The following SORCS2 variants were observed in gnomAD, a reference collection of about 807,000 sequenced individuals.
SORCS2 encodes VPS10 domain-containing receptor SorCS2.
A neutral mutation model predicts 141.6 loss-of-function variants in SORCS2; 100 were observed. The ratio of observed to expected loss-of-function variants is 0.71; its 90% CI spans 0.60 to 0.83. SORCS2 has a LOEUF of 0.83. SORCS2 is among the 40% of genes least tolerant of loss of function. The probability of loss-of-function intolerance (pLI) is 0.00; values close to 1 mark genes in which losing one functional copy is unlikely to be tolerated. For synonymous variants in SORCS2, 789 were observed against 676.9 expected (o/e 1.17, Z -2.57); for missense variants, 1,646 against 1,560.2 (o/e 1.05, Z -0.93).
chr4:7,372,942 C>A (rs570039251), intron 1 of SORCS2, among the ~76,000 whole-genome samples: 2 of 151,002 alleles, frequency 1.3e-5, no homozygotes, highest in Non-Finnish European at 2.9e-5. Flanking sequence ...AGTCTTCCAT[C>A]GTGTGAATGA....
At chr4:7,621,454 TGTGA>T (rs35511284) in intron 3 of SORCS2, among the ~76,000 whole-genome samples, 1,678 of 148,342 alleles carry the variant, frequency 0.011, 14 homozygotes, top group Non-Finnish European at 0.018. Context: ...TGTGTGTCTG[TGTGA>T]GTGTTTATGT....
At chr4:7,440,943 C>A (rs1458293866) in intron 2 of SORCS2, among the ~76,000 whole-genome samples, 1 of 152,114 alleles carries the variant, frequency 6.6e-6, no homozygotes. Flanking sequence ...AGAGACAGAC[C>A]ATGAATGAGT....
At chr4:7,688,538 C>G (rs1724015088) in intron 10 of SORCS2, among the ~76,000 whole-genome samples, 1 of 152,216 alleles carries the variant, frequency 6.6e-6, no homozygotes, top group African/African-American at 2.4e-5. Flanking sequence ...TCCTGTGAAG[C>G]AGAGGTTATT....
intron 2 of SORCS2, among the ~76,000 whole-genome samples, chr4:7,409,334 G>A (rs1252593564): frequency 1.3e-5 from 2 of 152,156 alleles, no homozygotes; most frequent in South Asian, 4.2e-4. Context: ...TCTCAAAGGG[G>A]ATTTCTGGGT....
intron 1 of SORCS2, among the ~76,000 whole-genome samples, chr4:7,267,191 T>C (rs1039555027): frequency 2.6e-5 from 4 of 152,228 alleles, no homozygotes; most frequent in African/African-American, 9.6e-5. Flanking sequence ...TGATTAGAGA[T>C]GAGTAGGCAT....
At chr4:7,424,210 C>T (rs1312414459) in intron 2 of SORCS2, among the ~76,000 whole-genome samples, 2 of 152,218 alleles carry the variant, frequency 1.3e-5, no homozygotes, top group Admixed American at 6.5e-5. Context: ...CTGTCATTAG[C>T]TGTGTGACTC....
chr4:7,206,498 C>G (rs1431329731), intron 1 of SORCS2, among the ~76,000 whole-genome samples: 2 of 152,174 alleles, frequency 1.3e-5, no homozygotes, highest in Non-Finnish European at 2.9e-5. Context: ...CCACGAGTAA[C>G]CTGGGAAGCT....
intron 5 of SORCS2, 37 bp downstream of exon 5, chr4:7,654,244 G>A (rs774359271): frequency 2.1e-5 from 32 of 1,550,142 alleles, no homozygotes; most frequent in Middle Eastern, 1.7e-4. Flanking sequence ...CATGGGGCCC[G>A]CAGCTCTGGT....
chr4:7,358,086 C>A (rs1423826277), intron 1 of SORCS2, among the ~76,000 whole-genome samples: 1 of 152,168 alleles, frequency 6.6e-6, no homozygotes, highest in African/African-American at 2.4e-5. Flanking sequence ...AATAATACAT[C>A]TGGTCTCATG....
intron 3 of SORCS2, among the ~76,000 whole-genome samples, chr4:7,540,664 G>C (rs1298138217): frequency 6.6e-6 from 1 of 152,160 alleles, no homozygotes; most frequent in African/African-American, 2.4e-5. Context: ...CCCGCTCCCC[G>C]GCCCACACAT....
intron 3 of SORCS2, among the ~76,000 whole-genome samples, chr4:7,591,699 T>A (rs1483405581): frequency 6.6e-6 from 1 of 152,028 alleles, no homozygotes; most frequent in African/African-American, 2.4e-5. Context: ...AAAACCCCAA[T>A]CCTTCCCCAT....
At chr4:7,728,082 G>T (rs537934983) in intron 21 of SORCS2, among the ~76,000 whole-genome samples, 1 of 152,324 alleles carries the variant, frequency 6.6e-6, no homozygotes, top group Admixed American at 6.5e-5. Context: ...CTTTGTCACT[G>T]CTGTTATGAG....
intron 3 of SORCS2, among the ~76,000 whole-genome samples, chr4:7,604,508 G>A (rs1207933988): frequency 2.6e-5 from 4 of 152,260 alleles, no homozygotes; most frequent in East Asian, 1.9e-4. Context: ...TAGTAGAGAC[G>A]GGGTTTCACT....
chr4:7,726,834 G>T lies in SORCS2; in HGVS notation c.2800G>T (p.Val934Leu). 6.2e-7 allele frequency: 1 copy of T among 1,613,890 alleles called. No individual in the cohort carries two copies. The highest frequency in any genetic ancestry group is 8.5e-7 in the Non-Finnish European group (1 of 1,179,858). ...VTTRFSDTGD[V>L]RVTVQAACGN... ...AACGCGGTTTTCGGACACGGGCGAC[G>T]TGCGTGTGACGGTGCAGGCCGCCTG... Residue 934 changes from valine (V) to leucine (L), a missense_variant, in exon 21 of 27, where the codon GTG becomes TTG. By Grantham distance (32) the Val-to-Leu change is conservative (BLOSUM62 1). Transcript: ENST00000507866.
chr4:7,428,158 C>G (rs1371289173), intron 2 of SORCS2, among the ~76,000 whole-genome samples: 1 of 152,180 alleles, frequency 6.6e-6, no homozygotes, highest in East Asian at 1.9e-4. Context: ...CACAGCGTCC[C>G]TGGGGCGGCT....
intron 1 of SORCS2, among the ~76,000 whole-genome samples, chr4:7,216,913 G>A (rs891457008): frequency 1.7e-4 from 15 of 88,824 alleles, no homozygotes; most frequent in Admixed American, 5.2e-4. Context: ...ATGCAGAAGC[G>A]GAGTGACTCT....
chr4:7,322,323 C>T lies in SORCS2; in HGVS notation c.481-73965C>T, dbSNP rs543955619. ...GTGGCCATGCCCCCTCTGTCCTGGG[C>T]CCTGGCATGCAGCTGCTGTCTCTGG... On this transcript the variant is annotated intron_variant, in intron 1 of 26. Transcript: ENST00000507866. Among the ~76,000 whole-genome samples, 7 of 152,252 alleles carry T rather than the reference C, an allele frequency of 4.6e-5. No individual in the cohort carries two copies. The South Asian group carries it at 1.0e-3, about 23-fold the overall frequency.
chr4:7,631,803 T>C (rs1382477408), intron 3 of SORCS2, among the ~76,000 whole-genome samples: 1 of 150,640 alleles, frequency 6.6e-6, no homozygotes, highest in South Asian at 2.1e-4. Context: ...CTTCACAGGG[T>C]CGGAAATCCA....
intron 2 of SORCS2, among the ~76,000 whole-genome samples, chr4:7,416,599 TG>T (rs1725692878): frequency 6.6e-6 from 1 of 152,006 alleles, no homozygotes; most frequent in African/African-American, 2.4e-5. Context: ...TGCTCACACT[TG>T]TGCGTATACA....
Sources: gnomAD v4.1 joint callset for allele counts (sites outside exome capture counted in the v4.1 genomes callset) on GRCh38, gnomAD v4.1.1 for gene constraint, MANE v1.5 for transcripts, NCBI Gene and HGNC (gene_info 2026-07-23, HGNC 2026-07-21) for gene names.